Variants in ECT2L observed in about 807,000 individuals in gnomAD.
The protein encoded by ECT2L is epithelial cell-transforming sequence 2 oncogene-like.
Under a neutral mutation model 122.8 loss-of-function variants are expected in ECT2L, and 126 were observed. The observed-to-expected ratio is 1.03, with a 90% CI of 0.89 to 1.19. The LOEUF is 1.19. Ranked by LOEUF, ECT2L falls within the 50% of genes most tolerant of loss-of-function variation. The pLI is 0.00. For synonymous variants in ECT2L, 385 were observed against 381.8 expected (o/e 1.01, Z -0.10); for missense variants, 1,012 against 1,064.1 (o/e 0.95, Z 0.68).
Position 138,831,761 on chromosome 6 carries a change from G to A in ECT2L, c.180-6591G>A, listed in dbSNP as rs112246442. Among the ~76,000 whole-genome samples the A allele has an allele frequency of 1.1e-3, 164 of 152,154 alleles. 1 individual carries two copies. Among genetic ancestry groups the A allele is most frequent in the African/African-American group, 3.8e-3 (159 of 41,498 alleles). Reference sequence around the variant, plus strand: ...CATTAAAACCGCAGAATGTAAGAAGGGATTCAAAATAATGTTGATTTAATA... The same window carrying A: ...CATTAAAACCGCAGAATGTAAGAAGAGATTCAAAATAATGTTGATTTAATA... On this transcript the variant is annotated intron_variant, in intron 4 of 21. Coordinates refer to ENST00000541398, the MANE Select transcript of ECT2L (RefSeq NM_001077706.3).
At position 138,900,933 on chromosome 6, in the gene ECT2L, T is replaced by C; in HGVS notation, c.2415-15T>C. ...TGTTATGTATTAAAACTGTACCTTC[T>C]CCATTTTAACACAGGCTCTATGAAC... On this transcript the variant is annotated splice_polypyrimidine_tract_variant and intron_variant, in intron 20 of 21. Coordinates refer to ENST00000541398, the MANE Select transcript of ECT2L (RefSeq NM_001077706.3). 6 of 1,609,984 alleles carry C rather than the reference T, an allele frequency of 3.7e-6. No homozygotes were observed. Among genetic ancestry groups the C allele is most frequent in the Non-Finnish European group, 5.1e-6 (6 of 1,178,562 alleles).
chr6:138,831,698 C>T (rs1451388769), intron 4 of ECT2L, among the ~76,000 whole-genome samples: 2 of 152,168 alleles, frequency 1.3e-5, no homozygotes, highest in Non-Finnish European at 2.9e-5. Context: ...ATACTGTAGG[C>T]TCCATAAAGG....
intron 4 of ECT2L, among the ~76,000 whole-genome samples, chr6:138,828,081 C>G (rs1394784543): frequency 6.6e-6 from 1 of 152,048 alleles, no homozygotes; most frequent in African/African-American, 2.4e-5. Context: ...ATCCCTCCCC[C>G]CACCGCATGA....
At chr6:138,811,567 G>A (rs1775895642) in intron 1 of ECT2L, among the ~76,000 whole-genome samples, 1 of 152,204 alleles carries the variant, frequency 6.6e-6, no homozygotes, top group Non-Finnish European at 1.5e-5. Context: ...TATAAGAAGA[G>A]ACCAGGTGCA....
intron 16 of ECT2L, among the ~76,000 whole-genome samples, chr6:138,884,610 C>T (rs576100009): frequency 6.6e-6 from 1 of 152,078 alleles, no homozygotes; most frequent in South Asian, 2.1e-4. Context: ...TCTACTCCAG[C>T]CTGGATGACA....
chr6:138,833,854 G>C (rs1776737151), intron 4 of ECT2L, among the ~76,000 whole-genome samples: 1 of 151,730 alleles, frequency 6.6e-6, no homozygotes, highest in Non-Finnish European at 1.5e-5. Flanking sequence ...CTGAAACTGG[G>C]GTATGAACAG....
At chr6:138,816,370 T>C (rs1024749931) in intron 4 of ECT2L, among the ~76,000 whole-genome samples, 1 of 152,200 alleles carries the variant, frequency 6.6e-6, no homozygotes, top group Non-Finnish European at 1.5e-5. Flanking sequence ...AAAACTAACC[T>C]GTTCAGTGAA....
In ECT2L at chr6:138,882,927, G is replaced by A. The variant is rs554274706; in HGVS notation, c.2028+56G>A. ...AGACCTGAGCTAGAAAGGAAGTTAC[G>A]TGTGGAACCCGAAAGACCAGCGTTA... On this transcript the variant is annotated intron_variant, in intron 16 of 21. Transcript: ENST00000541398. 1,332 of 1,576,936 alleles carry A rather than the reference G, an allele frequency of 8.4e-4. 28 individuals are homozygous for A. In the South Asian group the frequency reaches 0.014, roughly 17 times the overall value.
At chr6:138,860,292 G>A (rs914202852) in intron 10 of ECT2L, among the ~76,000 whole-genome samples, 1 of 151,794 alleles carries the variant, frequency 6.6e-6, no homozygotes, top group Admixed American at 6.6e-5. Flanking sequence ...TTAGGTCTGT[G>A]ATCCACTTGA....
At chr6:138,848,791 C>A (rs1777322208) in intron 8 of ECT2L, among the ~76,000 whole-genome samples, 1 of 152,094 alleles carries the variant, frequency 6.6e-6, no homozygotes, top group Non-Finnish European at 1.5e-5. Flanking sequence ...ATTGCTGGGA[C>A]TACAGCTACA....
intron 7 of ECT2L, among the ~76,000 whole-genome samples, chr6:138,846,317 C>T (rs984261638): frequency 6.6e-6 from 1 of 152,150 alleles, no homozygotes; most frequent in African/African-American, 2.4e-5. Context: ...ACTGCTCCAG[C>T]ATCCCACATG....
rs773772289 is a variant in ECT2L at position 138,862,675 on chromosome 6, T to C, written c.1247T>C (p.Phe416Ser). The change falls in exon 11 of 22, where the codon TTC becomes TCC. Residue 416 changes from phenylalanine to serine, a missense_variant. Phe to Ser is a radical substitution (Grantham distance 155, BLOSUM62 -2). Transcript: ENST00000541398. The part of the protein sequence containing the change: ...LSQLSQLTGT[F>S]FTAPTGIATG... Reference sequence around the variant, plus strand: ...CAGCTGTCTCAACTAACTGGCACGTTCTTTACGGCCCCCACTGGGATTGCA... The same window carrying C: ...CAGCTGTCTCAACTAACTGGCACGTCCTTTACGGCCCCCACTGGGATTGCA... 6.2e-7 allele frequency: 1 copy of C among 1,614,220 alleles called. No homozygotes were observed. The highest frequency in any genetic ancestry group is 8.5e-7 in the Non-Finnish European group (1 of 1,180,012).
intron 13 of ECT2L, among the ~76,000 whole-genome samples, chr6:138,871,446 T>G (rs1264668848): frequency 6.6e-6 from 1 of 152,208 alleles, no homozygotes; most frequent in East Asian, 1.9e-4. Context: ...AGAGAACTGC[T>G]GGAGGCAGCA....
Position 138,854,159 on chromosome 6 carries a change from G to C in ECT2L, c.1198+5G>C. On this transcript the variant is annotated splice_donor_5th_base_variant and intron_variant, in intron 10 of 21. Coordinates refer to ENST00000541398, the MANE Select transcript of ECT2L (RefSeq NM_001077706.3). ...TCGTGCCCCTTGGAGCATCAGGTTA[G>C]CTCAGAACACCTTATAGAGAGACAG... is the stretch of plus-strand genomic sequence containing the variant. 2.5e-6 allele frequency: 4 copies of C among 1,611,604 alleles called. No individual in the cohort carries two copies. Among genetic ancestry groups the C allele is most frequent in the Non-Finnish European group, 3.4e-6 (4 of 1,179,174 alleles).
chr6:138,866,271 C>T (rs1342455863), intron 12 of ECT2L, among the ~76,000 whole-genome samples: 1 of 152,112 alleles, frequency 6.6e-6, no homozygotes, highest in East Asian at 1.9e-4. Context: ...CCTCAGCCTC[C>T]TGAGTAGCTG....
chr6:138,857,596 T>C (rs1330407571), intron 10 of ECT2L, among the ~76,000 whole-genome samples: 1 of 152,156 alleles, frequency 6.6e-6, no homozygotes, highest in African/African-American at 2.4e-5. Context: ...TGGAAGCATC[T>C]GATGCAGAGG....
chr6:138,835,571 G>T (rs1033191808), intron 4 of ECT2L, among the ~76,000 whole-genome samples: 1 of 150,482 alleles, frequency 6.6e-6, no homozygotes, highest in Non-Finnish European at 1.5e-5. Context: ...AAAAAAAATA[G>T]TTAACAGTTT....
chr6:138,896,147 T>C (rs1582672736), intron 20 of ECT2L, among the ~76,000 whole-genome samples: 1 of 150,394 alleles, frequency 6.6e-6, no homozygotes, highest in Non-Finnish European at 1.5e-5. Context: ...GCCAGGCTGG[T>C]CTTGAATTCC....
intron 10 of ECT2L, among the ~76,000 whole-genome samples, chr6:138,858,996 G>A (rs1374056017): frequency 3.3e-5 from 5 of 151,936 alleles, no homozygotes; most frequent in Non-Finnish European, 7.4e-5. Flanking sequence ...CATCCCGCCT[G>A]GCCTAGAATT....
Sources: allele counts gnomAD v4.1 joint callset (sites outside exome capture counted in the v4.1 genomes callset), GRCh38; gene constraint gnomAD v4.1.1; transcripts MANE v1.5; gene names NCBI Gene and HGNC (gene_info 2026-07-23, HGNC 2026-07-21).